Variants in PBX3 observed in about 807,000 individuals in gnomAD.
PBX3 encodes PBX homeobox 3.
Under a neutral mutation model 48.5 loss-of-function variants are expected in PBX3, and 14 were observed. The observed-to-expected ratio is 0.29, with a 90% confidence interval of 0.19 to 0.45. The LOEUF (loss-of-function observed/expected upper bound fraction) is 0.45. PBX3 is among the 20% of genes least tolerant of loss of function. The probability of loss-of-function intolerance (pLI) is 1.00; values close to 1 mark genes in which losing one functional copy is unlikely to be tolerated. For missense variants in PBX3, 386 were observed against 546.7 expected, an observed-to-expected ratio of 0.71 and a Z score of 2.93; for synonymous variants, 210 against 200.3, an observed-to-expected ratio of 1.05 and a Z score of -0.41.
chr9:125,917,150 G>C (rs1475018590), intron 3 of PBX3, among the ~76,000 whole-genome samples: 2 of 152,152 alleles, frequency 1.3e-5, no homozygotes, highest in Non-Finnish European at 2.9e-5. Context: ...ACTTTTTAAA[G>C]TCCACACACT....
chr9:125,817,411 A>G (rs1838497241), intron 2 of PBX3, among the ~76,000 whole-genome samples: 1 of 152,188 alleles, frequency 6.6e-6, no homozygotes, highest in South Asian at 2.1e-4. Context: ...CTTGTGACTT[A>G]TGTGATGATG....
chr9:125,772,303 G>A (rs556828074), intron 2 of PBX3, among the ~76,000 whole-genome samples: 76 of 152,214 alleles, frequency 5.0e-4, no homozygotes, highest in African/African-American at 1.6e-3. Context: ...TGAGGTGATC[G>A]GGCTATTAAT....
rs1554726040 is a variant in PBX3, at chr9:125,899,487, A to AGC, written c.275-16198_275-16197dup. On this transcript the variant is annotated intron_variant, in intron 2 of 8. Transcript: ENST00000373489. ...GAGAGAGAGAGAGAGAGAGAGAGAG[A>AGC]GCTCACCCACAGGCAGGGGAGGTTA... Among the ~76,000 whole-genome samples, 213 of 123,084 alleles carry AGC rather than the reference A, an allele frequency of 1.7e-3. 21 individuals carry two copies. The highest frequency in any genetic ancestry group is 0.01 in the East Asian group (46 of 4,498). The allele number at this position is 123,084 out of a possible 152,430, so 80.7% of individuals were successfully genotyped here.
intron 2 of PBX3, among the ~76,000 whole-genome samples, chr9:125,868,637 T>A (rs1232683315): frequency 6.6e-6 from 1 of 152,130 alleles, no homozygotes; most frequent in Non-Finnish European, 1.5e-5. Flanking sequence ...AGAAACAAAA[T>A]CAGAGCTCTT....
intron 2 of PBX3, among the ~76,000 whole-genome samples, chr9:125,890,016 C>T (rs986791951): frequency 1.3e-5 from 2 of 152,058 alleles, no homozygotes; most frequent in African/African-American, 4.8e-5. Flanking sequence ...CGTTGCCCGC[C>T]GACCTTGTGC....
chr9:125,811,356 A>C (rs1838284298), intron 2 of PBX3, among the ~76,000 whole-genome samples: 1 of 152,144 alleles, frequency 6.6e-6, no homozygotes, highest in Non-Finnish European at 1.5e-5. Flanking sequence ...TCCCTACCCA[A>C]ATCTCACCTT....
chr9:125,790,156 C>G (rs1027997467), intron 2 of PBX3, among the ~76,000 whole-genome samples: 1 of 152,152 alleles, frequency 6.6e-6, no homozygotes, highest in Non-Finnish European at 1.5e-5. Context: ...GATATAAGCT[C>G]TTAGTCAACT....
chr9:125,949,732 C>T (rs541935813), intron 5 of PBX3, among the ~76,000 whole-genome samples: 2 of 152,150 alleles, frequency 1.3e-5, no homozygotes, highest in Non-Finnish European at 1.5e-5. Context: ...AATAAATAAG[C>T]GTTTCCCTTA....
At chr9:125,764,887 G>A (rs1224854832) in intron 2 of PBX3, among the ~76,000 whole-genome samples, 1 of 152,084 alleles carries the variant, frequency 6.6e-6, no homozygotes, top group Non-Finnish European at 1.5e-5. Context: ...TCTTTGCACT[G>A]GTTTGTCTAG....
intron 2 of PBX3, among the ~76,000 whole-genome samples, chr9:125,826,801 A>G (rs990752115): frequency 1.3e-5 from 2 of 152,158 alleles, no homozygotes; most frequent in African/African-American, 2.4e-5. Flanking sequence ...TGTTGCATGC[A>G]TAGAATGTGT....
intron 8 of PBX3, among the ~76,000 whole-genome samples, chr9:125,963,458 G>A (rs1357704853): frequency 2.6e-5 from 4 of 152,198 alleles, no homozygotes; most frequent in African/African-American, 7.2e-5. Flanking sequence ...TCAGGTGAAG[G>A]TGGTAAGTTT....
chr9:125,901,580 G>A (rs1840947059), intron 2 of PBX3, among the ~76,000 whole-genome samples: 1 of 151,670 alleles, frequency 6.6e-6, no homozygotes. Flanking sequence ...TTGACTGAGA[G>A]CATAAATAAA....
At chr9:125,775,092 C>G (rs1221172693) in intron 2 of PBX3, among the ~76,000 whole-genome samples, 3 of 152,202 alleles carry the variant, frequency 2.0e-5, no homozygotes, top group Non-Finnish European at 2.9e-5. Flanking sequence ...GTCTCAAACT[C>G]CTGACTTCAG....
In PBX3 at chr9:125,919,359, ATTTTTTTTTT is replaced by A. The variant is rs34891465; in HGVS notation, c.516+3446_516+3455del. ...AGGCGTCTGCCATCATGCCCGTCTA[ATTTTTTTTTT>A]TTTTTTTTTTTTTGTATTTTTGGTA... On this transcript the variant is annotated intron_variant, in intron 3 of 8. Coordinates refer to ENST00000373489, the MANE Select transcript of PBX3 (RefSeq NM_006195.6). Among the ~76,000 whole-genome samples, 7 of 102,750 alleles carry A rather than the reference ATTTTTTTTTT, an allele frequency of 6.8e-5. No homozygotes were observed. The Admixed American group carries it at 7.0e-4, about 10-fold the overall frequency. The allele number at this position is 102,750 out of a possible 152,430, so 67.4% of individuals were successfully genotyped here. A position where few individuals can be genotyped will look rare whatever the true frequency, so the allele number is the denominator to read the frequency against.
chr9:125,938,669 C>G (rs887615978), intron 5 of PBX3, among the ~76,000 whole-genome samples: 9 of 152,102 alleles, frequency 5.9e-5, no homozygotes, highest in Non-Finnish European at 5.9e-5. Context: ...GGGGAAGGAG[C>G]ATTGTTCTTT....
intron 5 of PBX3, among the ~76,000 whole-genome samples, chr9:125,950,312 A>G (rs1030964108): frequency 1.3e-5 from 2 of 152,226 alleles, no homozygotes; most frequent in African/African-American, 4.8e-5. Flanking sequence ...TTATGGCAAT[A>G]AAATTTTTCA....
At chr9:125,920,278 ACTTTTGAAAAATGC>A (rs1395320690) in intron 3 of PBX3, among the ~76,000 whole-genome samples, 3 of 152,192 alleles carry the variant, frequency 2.0e-5, no homozygotes, top group Non-Finnish European at 4.4e-5. Flanking sequence ...ATTAGCTACA[ACTTTTGAAAAATGC>A]CTTTACTGTA....
At chr9:125,938,044 A>G (rs1033611073) in intron 5 of PBX3, among the ~76,000 whole-genome samples, 4 of 152,246 alleles carry the variant, frequency 2.6e-5, no homozygotes, top group Non-Finnish European at 5.9e-5. Context: ...GAAATTGTTC[A>G]TAGAGAAAAC....
intron 2 of PBX3, among the ~76,000 whole-genome samples, chr9:125,898,258 T>C (rs1336727100): frequency 2.6e-5 from 4 of 151,790 alleles, no homozygotes; most frequent in African/African-American, 4.8e-5. Context: ...CCTCTACCTC[T>C]CTTCCCTAGC....
Sources: gnomAD v4.1 joint callset for allele counts (sites outside exome capture counted in the v4.1 genomes callset) on GRCh38, gnomAD v4.1.1 for gene constraint, MANE v1.5 for transcripts, NCBI Gene and HGNC (gene_info 2026-07-23, HGNC 2026-07-21) for gene names.